The following ALPL variants were observed in gnomAD, a reference collection of about 807,000 sequenced individuals.
The protein encoded by ALPL is alkaline phosphatase, tissue-nonspecific isozyme.
ALPL carries 42 observed loss-of-function variants against 51.3 expected under a neutral mutation model. That is an observed-to-expected ratio of 0.82 (90% CI 0.64 to 1.06). The LOEUF is 1.06. Among genes scored for constraint, ALPL ranks in the 50% least tolerant of loss-of-function variants. The pLI is 0.00. For missense variants in ALPL, 589 were observed against 709.4 expected, an observed-to-expected ratio of 0.83 and a Z score of 1.93; for synonymous variants, 279 against 296.4, an observed-to-expected ratio of 0.94 and a Z score of 0.60.
At chr1:21,532,062 G>A (rs1644037888) in intron 1 of ALPL, among the ~76,000 whole-genome samples, 1 of 152,168 alleles carries the variant, frequency 6.6e-6, no homozygotes. Flanking sequence ...TTGGGGCAAG[G>A]AGCGTGTGGA....
At chr1:21,532,344 A>C (rs955792102) in intron 1 of ALPL, among the ~76,000 whole-genome samples, 12 of 152,114 alleles carry the variant, frequency 7.9e-5, no homozygotes, top group Non-Finnish European at 1.5e-4. Context: ...GGCACCTGCC[A>C]TCATGCCCTG....
At chr1:21,523,762 G>A (rs916031455) in intron 1 of ALPL, among the ~76,000 whole-genome samples, 3 of 152,160 alleles carry the variant, frequency 2.0e-5, no homozygotes, top group African/African-American at 7.2e-5. Context: ...GGGGCAGAAG[G>A]AGGCTCAGGG....
At chr1:21,576,066 A>T (rs978647049) in intron 10 of ALPL, 142 bp downstream of exon 10, 2 of 1,059,600 alleles carry the variant, frequency 1.9e-6, no homozygotes, top group Non-Finnish European at 2.8e-6. Context: ...GTTACTGGGG[A>T]TGGGGAGAAA....
chr1:21,554,922 C>G (rs1369662916), intron 2 of ALPL, among the ~76,000 whole-genome samples: 1 of 137,556 alleles, frequency 7.3e-6, no homozygotes, highest in African/African-American at 2.7e-5. Context: ...TTCTTTCTTT[C>G]TTTCTTTCTT....
At chr1:21,567,819 C>G (rs560646213) in intron 6 of ALPL, among the ~76,000 whole-genome samples, 16 of 152,308 alleles carry the variant, frequency 1.1e-4, no homozygotes, top group African/African-American at 3.6e-4. Flanking sequence ...TGGTCTGATT[C>G]TTATTCGAGT....
At chr1:21,517,490 A>T (rs1643822169) in intron 1 of ALPL, among the ~76,000 whole-genome samples, 1 of 149,082 alleles carries the variant, frequency 6.7e-6, no homozygotes, top group Non-Finnish European at 1.5e-5. Flanking sequence ...TTTGCAAATG[A>T]CATGGGGGTG....
chr1:21,537,250 C>T (rs1644121117), intron 1 of ALPL, among the ~76,000 whole-genome samples: 1 of 152,120 alleles, frequency 6.6e-6, no homozygotes, highest in Non-Finnish European at 1.5e-5. Context: ...GTTTATTATC[C>T]CTGCTCTACA....
intron 1 of ALPL, among the ~76,000 whole-genome samples, chr1:21,547,803 T>C (rs1644272332): frequency 6.6e-6 from 1 of 152,208 alleles, no homozygotes; most frequent in African/African-American, 2.4e-5. Flanking sequence ...GTAAACAGCA[T>C]GGGGCTGAGT....
In ALPL at chr1:21,577,825, G is replaced by A; in HGVS notation, c.*177G>A. On this transcript the variant is annotated 3_prime_UTR_variant, in exon 12 of 12. Transcript: ENST00000374840. ...GCTCCCCTCTGGAATCTTCCCCAAG[G>A]GCCAAACCCACTTCTGGCCTCCAGC... 1.2e-6 allele frequency: 1 copy of A among 849,940 alleles called. No individual in the cohort carries two copies. The highest frequency in any genetic ancestry group is 1.8e-6 in the Non-Finnish European group (1 of 563,676). 52.6% of individuals were successfully genotyped at this position (849,940 alleles called of 1,614,324 possible).
At chr1:21,519,884 G>A (rs1643866456) in intron 1 of ALPL, among the ~76,000 whole-genome samples, 1 of 152,140 alleles carries the variant, frequency 6.6e-6, no homozygotes, top group Non-Finnish European at 1.5e-5. Context: ...CCTGCACCAA[G>A]GAATTAGGTA....
At chr1:21,554,859 TTCTTTCTTTCTTTCTC>T (rs1558544072) in intron 2 of ALPL, among the ~76,000 whole-genome samples, 15 of 133,930 alleles carry the variant, frequency 1.1e-4, no homozygotes, top group African/African-American at 2.8e-4. Context: ...CTTTCTTTCT[TTCTTTCTTTCTTTCTC>T]TCTTTCTTTC....
intron 2 of ALPL, among the ~76,000 whole-genome samples, chr1:21,558,486 C>T (rs1313976489): frequency 6.6e-6 from 1 of 152,216 alleles, no homozygotes; most frequent in Non-Finnish European, 1.5e-5. Context: ...ACCTCTGGCC[C>T]CGGCCTTGCC....
chr1:21,557,374 TG>T (rs1052292585), intron 2 of ALPL, among the ~76,000 whole-genome samples: 2 of 152,160 alleles, frequency 1.3e-5, no homozygotes, highest in African/African-American at 4.8e-5. Context: ...TGGGGTGCAG[TG>T]GGGCACTGAG....
rs141957901 is a variant in ALPL at position 21,552,347 on chromosome 1, C to T, written c.-104-1631C>T. 9.0e-4 allele frequency among the ~76,000 whole-genome samples: 136 copies of T among 150,570 alleles called. 1 individual carries two copies. The highest frequency in any genetic ancestry group is 8.8e-3 in the South Asian group (42 of 4,762). ...ATACAAAATTGGCCGGGCATGGTGG[C>T]GCAAGCCTGTAATCCCAGCCACTCG... On this transcript the variant is annotated intron_variant, in intron 1 of 11. Coordinates refer to ENST00000374840, the MANE Select transcript of ALPL (RefSeq NM_000478.6).
intron 1 of ALPL, among the ~76,000 whole-genome samples, chr1:21,517,253 C>G (rs1382091868): frequency 2.6e-5 from 4 of 152,212 alleles, no homozygotes; most frequent in African/African-American, 9.6e-5. Context: ...AGAAACTGAG[C>G]TAATCACTTT....
At chr1:21,536,691 G>A (rs541679899) in intron 1 of ALPL, among the ~76,000 whole-genome samples, 3 of 152,184 alleles carry the variant, frequency 2.0e-5, no homozygotes, top group Admixed American at 2.0e-4. Context: ...TGGAGCTGGA[G>A]GCGGGATCAG....
In ALPL at chr1:21,573,712, G is replaced by A. The variant is rs745704006; in HGVS notation, c.910G>A (p.Val304Met). 3.9e-5 allele frequency: 63 copies of A among 1,614,054 alleles called. No homozygotes were observed. The highest frequency in any genetic ancestry group is 8.3e-5 in the Admixed American group (5 of 60,004). Reference protein sequence around the residue: ...DMQYELNRNNVTDPSLSEMVV... With the variant: ...DMQYELNRNNMTDPSLSEMVV... Reference sequence around the variant, plus strand: ...GCAGTACGAGCTGAACAGGAACAACGTGACGGACCCGTCACTCTCCGAGAT... The same window carrying A: ...GCAGTACGAGCTGAACAGGAACAACATGACGGACCCGTCACTCTCCGAGAT... Residue 304 changes from valine to methionine, a missense_variant, in exon 9 of 12, where the codon GTG becomes ATG. Val to Met is a conservative substitution (Grantham distance 21, BLOSUM62 1). Coordinates refer to ENST00000374840, the MANE Select transcript of ALPL (RefSeq NM_000478.6).
chr1:21,560,950 G>A, intron 3 of ALPL, 147 bp from the exon 4 acceptor site: 1 of 978,026 alleles, frequency 1.0e-6, no homozygotes, highest in Non-Finnish European at 1.6e-6. Context: ...GGGAGAGAGG[G>A]GCTGCTCACT....
intron 2 of ALPL, among the ~76,000 whole-genome samples, chr1:21,556,674 C>T (rs957532552): frequency 3.3e-5 from 5 of 152,104 alleles, no homozygotes; most frequent in Admixed American, 2.6e-4. Context: ...AATGGTGGCT[C>T]ACGCCTGTAA....
Sources: allele counts gnomAD v4.1 joint callset (sites outside exome capture counted in the v4.1 genomes callset), GRCh38; gene constraint gnomAD v4.1.1; transcripts MANE v1.5; gene names NCBI Gene and HGNC (gene_info 2026-07-23, HGNC 2026-07-21).